Variants in TMEM132D observed in about 807,000 individuals in gnomAD.
The protein encoded by TMEM132D is transmembrane protein 132D.
A neutral mutation model predicts 62.3 loss-of-function variants in TMEM132D; 21 were observed. The ratio of observed to expected loss-of-function variants is 0.34; its 90% confidence interval spans 0.24 to 0.49. The LOEUF (loss-of-function observed/expected upper bound fraction) is 0.49. TMEM132D is among the 20% of genes least tolerant of loss of function. TMEM132D has a pLI of 0.99. For synonymous variants in TMEM132D, 621 were observed against 575.6 expected, an observed-to-expected ratio of 1.08 and a Z score of -1.13; for missense variants, 1,346 against 1,402.8, an observed-to-expected ratio of 0.96 and a Z score of 0.65.
intron 4 of TMEM132D, among the ~76,000 whole-genome samples, chr12:129,235,401 T>G (rs796259290): frequency 8.3e-5 from 3 of 36,032 alleles, no homozygotes; most frequent in African/African-American, 3.7e-4. Flanking sequence ...CCCTAATGGG[T>G]TTTTTTTTTT....
chr12:129,863,792 T>G (rs560857687), intron 1 of TMEM132D, among the ~76,000 whole-genome samples: 16 of 151,740 alleles, frequency 1.1e-4, no homozygotes, highest in Middle Eastern at 3.4e-3. Context: ...TTTGTTTTTT[T>G]GGGGGGGGCA....
chr12:129,507,725 G>A (rs1875378526), intron 3 of TMEM132D, among the ~76,000 whole-genome samples: 2 of 152,112 alleles, frequency 1.3e-5, no homozygotes, highest in South Asian at 4.1e-4. Flanking sequence ...TAGGAAGGGG[G>A]TGAAGGATAA....
chr12:129,075,537 G>A (rs1411976193), intron 8 of TMEM132D, among the ~76,000 whole-genome samples: 1 of 152,180 alleles, frequency 6.6e-6, no homozygotes, highest in East Asian at 1.9e-4. Flanking sequence ...ACAGATAAAA[G>A]CCTCTGATCT....
chr12:129,561,037 T>C (rs1412594078), intron 2 of TMEM132D, among the ~76,000 whole-genome samples: 2 of 152,056 alleles, frequency 1.3e-5, no homozygotes, highest in African/African-American at 2.4e-5. Context: ...AGATAATTAC[T>C]GGATGACAGA....
At chr12:129,204,319 T>C (rs757736631) in intron 5 of TMEM132D, among the ~76,000 whole-genome samples, 25 of 152,122 alleles carry the variant, frequency 1.6e-4, no homozygotes, top group Non-Finnish European at 2.8e-4. Flanking sequence ...GTAGCCATTA[T>C]AAAAAAGAAG....
Position 129,730,187 on chromosome 12 carries a change from T to C in TMEM132D, c.80-29489A>G, listed in dbSNP as rs567827559. Among the ~76,000 whole-genome samples the C allele has an allele frequency of 5.3e-5, 8 of 152,342 alleles. No individual in the cohort carries two copies. In the South Asian group the frequency reaches 1.0e-3, roughly 20 times the overall value. On this transcript the variant is annotated intron_variant, in intron 1 of 8. Transcript: ENST00000422113. ...TTTTTCCCTCCTAGTCTCTCAGTTA[T>C]GTCCTTCATTTCTCTGAGGAGCCGA...
At chr12:129,836,312 C>G (rs1872999721) in intron 1 of TMEM132D, among the ~76,000 whole-genome samples, 1 of 143,452 alleles carries the variant, frequency 7.0e-6, no homozygotes, top group South Asian at 2.5e-4. Context: ...TCCCTGACCT[C>G]TGCAGACATT....
intron 3 of TMEM132D, among the ~76,000 whole-genome samples, chr12:129,355,333 C>T (rs1210601063): frequency 6.6e-6 from 1 of 150,894 alleles, no homozygotes; most frequent in Non-Finnish European, 1.5e-5. Context: ...AGGATAGGTC[C>T]TTAAAAAGCA....
rs1328260730 is a variant in TMEM132D at position 129,490,421 on chromosome 12, TC to T, written c.1115+40637del. Among the ~76,000 whole-genome samples, 641 of 99,396 alleles carry T rather than the reference TC, an allele frequency of 6.4e-3. 15 individuals are homozygous for T. The highest frequency in any genetic ancestry group is 0.012 in the South Asian group (36 of 3,016). 65.2% of individuals were successfully genotyped at this position (99,396 alleles called of 152,430 possible). A position where few individuals can be genotyped will look rare whatever the true frequency, so the allele number is the denominator to read the frequency against. On this transcript the variant is annotated intron_variant, in intron 3 of 8. Transcript: ENST00000422113. ...TTCACCTGAACATCATAATTTCCTTTCCTTTTTTTTTTTTTTTTTTTTTTTT... is the reference window on the plus strand; with the variant it reads ...TTCACCTGAACATCATAATTTCCTTTCTTTTTTTTTTTTTTTTTTTTTTTT...
At chr12:129,598,502 T>C (rs1026838813) in intron 2 of TMEM132D, among the ~76,000 whole-genome samples, 1 of 152,220 alleles carries the variant, frequency 6.6e-6, no homozygotes, top group Non-Finnish European at 1.5e-5. Flanking sequence ...GTTTGGATTT[T>C]CTGTTGTTGT....
intron 1 of TMEM132D, among the ~76,000 whole-genome samples, chr12:129,729,147 C>T (rs1030010211): frequency 6.6e-6 from 1 of 152,166 alleles, no homozygotes; most frequent in Non-Finnish European, 1.5e-5. Flanking sequence ...CACTAATTTG[C>T]CACAGTCTCT....
intron 2 of TMEM132D, among the ~76,000 whole-genome samples, chr12:129,603,261 A>G (rs1023949667): frequency 6.6e-6 from 1 of 152,232 alleles, no homozygotes; most frequent in Admixed American, 6.5e-5. Flanking sequence ...CATATCATAC[A>G]GAGTAGATTC....
At chr12:129,151,934 G>A (rs543675671) in intron 5 of TMEM132D, among the ~76,000 whole-genome samples, 1 of 147,538 alleles carries the variant, frequency 6.8e-6, no homozygotes, top group Admixed American at 6.8e-5. Context: ...CTGGAGTGCA[G>A]TGGTGCAATC....
rs1177435435 is a variant in TMEM132D, at chr12:129,130,327, C to A, written c.1444-45625G>T. Among the ~76,000 whole-genome samples, 2 of 16,736 alleles carry A rather than the reference C, an allele frequency of 1.2e-4. 1 individual carries two copies. Among genetic ancestry groups the A allele is most frequent in the Non-Finnish European group, 2.9e-4 (2 of 6,958 alleles). 11.0% of individuals were successfully genotyped at this position (16,736 alleles called of 152,430 possible). Reference sequence around the variant, plus strand: ...CTCCTCATCCCAGCTCAGGGAGGCTCTGAAGAGACCCCCCCGCCCGCCACA... The same window carrying A: ...CTCCTCATCCCAGCTCAGGGAGGCTATGAAGAGACCCCCCCGCCCGCCACA... On this transcript the variant is annotated intron_variant, in intron 5 of 8. Transcript: ENST00000422113.
intron 5 of TMEM132D, among the ~76,000 whole-genome samples, chr12:129,125,462 A>AC (rs974102593): frequency 6.6e-6 from 1 of 151,740 alleles, no homozygotes; most frequent in Non-Finnish European, 1.5e-5. Context: ...TACAATAAAA[A>AC]TATGTTTAGG....
chr12:129,638,601 T>C (rs1879555684), intron 2 of TMEM132D, among the ~76,000 whole-genome samples: 1 of 51,874 alleles, frequency 1.9e-5, no homozygotes, highest in South Asian at 7.6e-4. Context: ...TATTTTTATA[T>C]ATATATAAAT....
At chr12:129,462,922 G>T (rs1004463233) in intron 3 of TMEM132D, among the ~76,000 whole-genome samples, 3 of 152,114 alleles carry the variant, frequency 2.0e-5, no homozygotes, top group Non-Finnish European at 4.4e-5. Flanking sequence ...CAAAGAGAGA[G>T]GTAGGTTCTT....
chr12:129,713,025 A>C (rs747461243), intron 1 of TMEM132D, among the ~76,000 whole-genome samples: 3 of 152,192 alleles, frequency 2.0e-5, no homozygotes, highest in Non-Finnish European at 2.9e-5. Context: ...CTCGTCACTC[A>C]CAGCTGAGCC....
At chr12:129,092,163 C>T (rs1381959487) in intron 5 of TMEM132D, among the ~76,000 whole-genome samples, 1 of 152,214 alleles carries the variant, frequency 6.6e-6, no homozygotes, top group Non-Finnish European at 1.5e-5. Context: ...ATATTTCTGA[C>T]TCTGGTGTGC....
Sources: allele counts gnomAD v4.1 joint callset (sites outside exome capture counted in the v4.1 genomes callset), GRCh38; gene constraint gnomAD v4.1.1; transcripts MANE v1.5; gene names NCBI Gene and HGNC (gene_info 2026-07-23, HGNC 2026-07-21).